Variants in STXBP5L observed in about 807,000 individuals in gnomAD.
The protein encoded by STXBP5L is syntaxin binding protein 5L.
Under a neutral mutation model 144.5 loss-of-function variants are expected in STXBP5L, and 65 were observed. The observed-to-expected ratio is 0.45, with a 90% confidence interval of 0.37 to 0.55. The LOEUF (loss-of-function observed/expected upper bound fraction) is 0.55, where lower values mean the gene tolerates loss of function less well. Ranked by LOEUF, STXBP5L falls within the 20% of genes least tolerant of loss-of-function variation. The pLI is 0.00. For missense variants in STXBP5L, 1,298 were observed against 1,405.5 expected, an observed-to-expected ratio of 0.92 and a Z score of 1.22; for synonymous variants, 505 against 469.6, an observed-to-expected ratio of 1.08 and a Z score of -0.97.
intron 3 of STXBP5L, among the ~76,000 whole-genome samples, chr3:120,992,290 A>C (rs1021008050): frequency 6.6e-6 from 1 of 152,252 alleles, no homozygotes; most frequent in East Asian, 1.9e-4. Flanking sequence ...TATTATTTAT[A>C]TATGTTGGGA....
chr3:120,973,925 T>C (rs1940599829), intron 3 of STXBP5L, among the ~76,000 whole-genome samples: 1 of 152,240 alleles, frequency 6.6e-6, no homozygotes, highest in African/African-American at 2.4e-5. Context: ...CCACATTTTC[T>C]TAATCCAGTC....
chr3:121,322,939 A>G (rs1456590755), intron 20 of STXBP5L, among the ~76,000 whole-genome samples: 1 of 152,130 alleles, frequency 6.6e-6, no homozygotes, highest in Non-Finnish European at 1.5e-5. Flanking sequence ...GATTTCTTTA[A>G]TGATTAATGA....
intron 2 of STXBP5L, among the ~76,000 whole-genome samples, chr3:120,945,522 A>G (rs1576460872): frequency 6.6e-6 from 1 of 151,890 alleles, no homozygotes; most frequent in East Asian, 1.9e-4. Context: ...TAGGATATAT[A>G]TATGCAATGT....
At chr3:120,988,167 T>C (rs1942486820) in intron 3 of STXBP5L, among the ~76,000 whole-genome samples, 1 of 151,658 alleles carries the variant, frequency 6.6e-6, no homozygotes, top group Admixed American at 6.6e-5. Flanking sequence ...TTTATTTTGC[T>C]CTTTTTTTCT....
chr3:120,978,283 A>G (rs936091059), intron 3 of STXBP5L, among the ~76,000 whole-genome samples: 10 of 151,818 alleles, frequency 6.6e-5, no homozygotes, highest in Non-Finnish European at 1.0e-4. Flanking sequence ...TTCTCACTAC[A>G]TTTCATTCAT....
intron 3 of STXBP5L, among the ~76,000 whole-genome samples, chr3:120,984,978 G>C (rs923248676): frequency 1.3e-5 from 2 of 152,004 alleles, no homozygotes; most frequent in Non-Finnish European, 2.9e-5. Context: ...ATATTCATAT[G>C]TTGAACAATT....
rs2046323368 is a variant in STXBP5L at position 121,381,491 on chromosome 3, A to ACTCTACTACAAAGGTTTACAAAGG, written c.2546_2547insCTCTACTACAAAGGTTTACAAAGG (p.Asp849_Glu850insSerThrThrLysValTyrLysGly). ...ATCTCCTTAAACCTACCATTAGCAG[A>ACTCTACTACAAAGGTTTACAAAGG]TGAACAAAGGTTTACAGAGCCAGTC... is the stretch of plus-strand genomic sequence containing the variant. On this transcript the variant is annotated inframe_insertion, in exon 22 of 27. Transcript: ENST00000471454. 6.3e-7 allele frequency: 1 copy of ACTCTACTACAAAGGTTTACAAAGG among 1,595,352 alleles called. No individual in the cohort carries two copies. The highest frequency in any genetic ancestry group is 8.5e-7 in the Non-Finnish European group (1 of 1,174,936).
rs1348616366 is a variant in STXBP5L at position 121,313,229 on chromosome 3, C to A, written c.2111-5246C>A. Among the ~76,000 whole-genome samples the A allele has an allele frequency of 2.3e-5, 3 of 131,490 alleles. 1 individual carries two copies. Among genetic ancestry groups the A allele is most frequent in the African/African-American group, 9.1e-5 (3 of 32,982 alleles). The allele number at this position is 131,490 out of a possible 152,430, so 86.3% of individuals were successfully genotyped here. A position where few individuals can be genotyped will look rare whatever the true frequency, so the allele number is the denominator to read the frequency against. ...CCGGAAGGGGGGCTGACCCCCCCCA[C>A]CTCCCTCCCGGACGGGGCGGCTGGC... On this transcript the variant is annotated intron_variant, in intron 19 of 26. Coordinates refer to ENST00000471454, the MANE Select transcript of STXBP5L (RefSeq NM_001308330.2).
At chr3:121,069,702 AT>A (rs201585895) in intron 5 of STXBP5L, among the ~76,000 whole-genome samples, 6 of 150,772 alleles carry the variant, frequency 4.0e-5, no homozygotes, top group Non-Finnish European at 8.9e-5. Flanking sequence ...ATTTTCTCTG[AT>A]TTTTTTTCTA....
chr3:121,303,301 A>G (rs1263394660), intron 19 of STXBP5L, among the ~76,000 whole-genome samples: 1 of 152,242 alleles, frequency 6.6e-6, no homozygotes, highest in African/African-American at 2.4e-5. Context: ...TGGCCATCAG[A>G]GAAATGCAAA....
At chr3:121,052,280 G>A (rs188675167) in intron 5 of STXBP5L, among the ~76,000 whole-genome samples, 59 of 152,230 alleles carry the variant, frequency 3.9e-4, no homozygotes, top group Admixed American at 6.5e-4. Context: ...AAGCCTGGCA[G>A]AGACATAACC....
chr3:120,915,363 G>A (rs1043665526), intron 2 of STXBP5L, among the ~76,000 whole-genome samples: 1 of 152,034 alleles, frequency 6.6e-6, no homozygotes, highest in African/African-American at 2.4e-5. Flanking sequence ...TAGGATGATT[G>A]TACTGATTTC....
At chr3:121,106,499 G>C (rs1053816656) in intron 5 of STXBP5L, among the ~76,000 whole-genome samples, 1 of 152,084 alleles carries the variant, frequency 6.6e-6, no homozygotes, top group Non-Finnish European at 1.5e-5. Flanking sequence ...TGCGGTGTTT[G>C]GTTTTCTGTT....
At chr3:120,955,373 A>T (rs920328023) in intron 3 of STXBP5L, among the ~76,000 whole-genome samples, 1 of 151,832 alleles carries the variant, frequency 6.6e-6, no homozygotes, top group Non-Finnish European at 1.5e-5. Context: ...TTGTGTTTCT[A>T]TATTCGATTT....
chr3:121,159,220 C>T (rs1449056075), intron 9 of STXBP5L, among the ~76,000 whole-genome samples: 1 of 151,666 alleles, frequency 6.6e-6, no homozygotes, highest in African/African-American at 2.4e-5. Context: ...ATATAATTTT[C>T]ATTAATATTT....
At chr3:121,004,104 G>A (rs1421703247) in intron 3 of STXBP5L, among the ~76,000 whole-genome samples, 1 of 152,098 alleles carries the variant, frequency 6.6e-6, no homozygotes, top group Non-Finnish European at 1.5e-5. Context: ...TTGGTAGCTT[G>A]ATGGGGATGG....
At chr3:121,232,665 T>G (rs2049345721) in intron 11 of STXBP5L, among the ~76,000 whole-genome samples, 1 of 152,158 alleles carries the variant, frequency 6.6e-6, no homozygotes, top group African/African-American at 2.4e-5. Flanking sequence ...TGAACTAAAC[T>G]GGGTCCATTT....
intron 20 of STXBP5L, among the ~76,000 whole-genome samples, chr3:121,342,271 A>G (rs1481969147): frequency 6.6e-6 from 1 of 152,136 alleles, no homozygotes. Context: ...CTAAAAGTAA[A>G]TTAATAGAAT....
chr3:121,030,865 C>G (rs971419675), intron 3 of STXBP5L, among the ~76,000 whole-genome samples: 1 of 151,966 alleles, frequency 6.6e-6, no homozygotes, highest in Admixed American at 6.6e-5. Context: ...AAAGCAATAG[C>G]TCCCCTCTCC....
Sources: allele counts gnomAD v4.1 joint callset (sites outside exome capture counted in the v4.1 genomes callset), GRCh38; gene constraint gnomAD v4.1.1; transcripts MANE v1.5; gene names NCBI Gene and HGNC (gene_info 2026-07-23, HGNC 2026-07-21).